The following CELF4 variants were observed in gnomAD, a reference collection of about 807,000 sequenced individuals.
CELF4 encodes the protein CUGBP Elav-like family member 4.
CELF4 carries 18 observed loss-of-function variants against 59.9 expected under a neutral mutation model. The ratio of observed to expected loss-of-function variants is 0.30; its 90% confidence interval spans 0.21 to 0.45. The LOEUF (loss-of-function observed/expected upper bound fraction) is 0.45. CELF4 is among the 20% of genes least tolerant of loss of function. The pLI is 1.00. For missense variants in CELF4, 456 were observed against 689.0 expected, an observed-to-expected ratio of 0.66 and a Z score of 3.79; for synonymous variants, 261 against 267.1, an observed-to-expected ratio of 0.98 and a Z score of 0.22.
intron 2 of CELF4, among the ~76,000 whole-genome samples, chr18:37,328,687 C>T (rs1040204149): frequency 1.3e-5 from 2 of 152,180 alleles, no homozygotes; most frequent in African/African-American, 2.4e-5. Context: ...TGGCCCTGCT[C>T]GTCATCTATC....
At chr18:37,314,126 C>T (rs995268865) in intron 3 of CELF4, among the ~76,000 whole-genome samples, 1 of 152,196 alleles carries the variant, frequency 6.6e-6, no homozygotes, top group African/African-American at 2.4e-5. Context: ...CACAGAGACA[C>T]AAGATGCAGG....
chr18:37,490,959 G>A (rs1273663293), intron 1 of CELF4, among the ~76,000 whole-genome samples: 7 of 152,126 alleles, frequency 4.6e-5, no homozygotes, highest in Non-Finnish European at 1.0e-4. Context: ...CCTGAGTTAC[G>A]GGATCAAGCA....
intron 1 of CELF4, among the ~76,000 whole-genome samples, chr18:37,542,003 A>G (rs2099978178): frequency 6.6e-6 from 1 of 152,166 alleles, no homozygotes; most frequent in Non-Finnish European, 1.5e-5. Context: ...TTTCTGTGCC[A>G]TGGTCATCGT....
intron 2 of CELF4, among the ~76,000 whole-genome samples, chr18:37,447,785 T>C (rs753997253): frequency 1.3e-5 from 2 of 152,248 alleles, no homozygotes; most frequent in African/African-American, 2.4e-5. Context: ...TTTTATTGAC[T>C]GCCTGTCTTT....
At chr18:37,508,513 A>C (rs2099940704) in intron 1 of CELF4, among the ~76,000 whole-genome samples, 1 of 152,190 alleles carries the variant, frequency 6.6e-6, no homozygotes, top group Admixed American at 6.5e-5. Flanking sequence ...TACTGAAATA[A>C]GCATGGAGAG....
chr18:37,344,425 G>A (rs1052534889), intron 2 of CELF4, among the ~76,000 whole-genome samples: 6 of 152,262 alleles, frequency 3.9e-5, no homozygotes, highest in African/African-American at 1.4e-4. Context: ...AGGGGAGAAA[G>A]AAGTAACAGT....
intron 2 of CELF4, among the ~76,000 whole-genome samples, chr18:37,363,128 G>T (rs2098731353): frequency 6.6e-6 from 1 of 152,156 alleles, no homozygotes; most frequent in Non-Finnish European, 1.5e-5. Flanking sequence ...CCAGAGCAAA[G>T]ACCCTCCTGG....
chr18:37,407,441 G>T (rs1387086084), intron 2 of CELF4, among the ~76,000 whole-genome samples: 1 of 152,100 alleles, frequency 6.6e-6, no homozygotes, highest in South Asian at 2.1e-4. Flanking sequence ...GTTTAATAAA[G>T]TCCAGTAGTG....
chr18:37,526,287 C>A (rs1213164583), intron 1 of CELF4, among the ~76,000 whole-genome samples: 1 of 152,188 alleles, frequency 6.6e-6, no homozygotes, highest in African/African-American at 2.4e-5. Context: ...GAGAGGTGAC[C>A]TGCATTTGCG....
intron 2 of CELF4, among the ~76,000 whole-genome samples, chr18:37,329,792 C>T (rs1040375099): frequency 6.6e-6 from 1 of 152,350 alleles, no homozygotes; most frequent in Non-Finnish European, 1.5e-5. Flanking sequence ...AAGATGGAGA[C>T]TGCAGAGCAC....
At chr18:37,427,959 C>T (rs913551844) in intron 2 of CELF4, among the ~76,000 whole-genome samples, 8 of 152,190 alleles carry the variant, frequency 5.3e-5, no homozygotes, top group South Asian at 2.1e-4. Flanking sequence ...AAAGTGTCTA[C>T]GGTGTGTGTA....
intron 1 of CELF4, among the ~76,000 whole-genome samples, chr18:37,560,324 A>T (rs938191371): frequency 1.3e-5 from 2 of 152,242 alleles, no homozygotes; most frequent in Admixed American, 6.5e-5. Flanking sequence ...AAATGAAATT[A>T]TGCATAAGCA....
chr18:37,408,922 T>C (rs1169815416), intron 2 of CELF4, among the ~76,000 whole-genome samples: 3 of 152,218 alleles, frequency 2.0e-5, no homozygotes, highest in Non-Finnish European at 4.4e-5. Context: ...GTCCTAGTCC[T>C]GCATGGGTCC....
At chr18:37,295,234 C>T (rs2095571555) in intron 3 of CELF4, among the ~76,000 whole-genome samples, 2 of 152,322 alleles carry the variant, frequency 1.3e-5, no homozygotes, top group East Asian at 3.9e-4. Context: ...GGGCTGCAAA[C>T]GTCCCCTTTT....
chr18:37,316,806 C>G (rs1236019149), intron 3 of CELF4, among the ~76,000 whole-genome samples: 1 of 152,140 alleles, frequency 6.6e-6, no homozygotes, highest in East Asian at 1.9e-4. Flanking sequence ...CACCTGGAAC[C>G]CTGCTCCTCT....
intron 3 of CELF4, among the ~76,000 whole-genome samples, chr18:37,285,252 C>T (rs186708171): frequency 1.2e-4 from 18 of 152,298 alleles, no homozygotes; most frequent in Admixed American, 7.8e-4. Flanking sequence ...CCTAGGTGCT[C>T]GAGGAGGTAA....
chr18:37,418,542 T>A (rs1002754929), intron 2 of CELF4, among the ~76,000 whole-genome samples: 1 of 152,198 alleles, frequency 6.6e-6, no homozygotes, highest in Non-Finnish European at 1.5e-5. Context: ...GGAAATCACC[T>A]AGCCCAACCC....
chr18:37,378,834 C>T (rs995733510), intron 2 of CELF4, among the ~76,000 whole-genome samples: 3 of 151,840 alleles, frequency 2.0e-5, no homozygotes, highest in Non-Finnish European at 4.4e-5. Context: ...GCCCTGGGGA[C>T]AGCATGGATG....
At chr18:37,424,849 A>C (rs552702210) in intron 2 of CELF4, among the ~76,000 whole-genome samples, 1 of 152,146 alleles carries the variant, frequency 6.6e-6, no homozygotes, top group African/African-American at 2.4e-5. Context: ...TGGGCTCCAC[A>C]CACTCCTGAC....
Sources: allele counts gnomAD v4.1 joint callset (sites outside exome capture counted in the v4.1 genomes callset), GRCh38; gene constraint gnomAD v4.1.1; transcripts MANE v1.5; gene names NCBI Gene and HGNC (gene_info 2026-07-23, HGNC 2026-07-21).